Variants in FAT4 observed in about 807,000 individuals in gnomAD.
FAT4 encodes protocadherin Fat 4.
A neutral mutation model predicts 303.9 loss-of-function variants in FAT4; 84 were observed. That is an observed-to-expected ratio of 0.28 (90% CI 0.23 to 0.33). The LOEUF is 0.33. FAT4 is among the 10% of genes least tolerant of loss of function. FAT4 has a pLI of 1.00. For missense variants in FAT4, 6,005 were observed against 6,146.8 expected, an observed-to-expected ratio of 0.98 and a Z score of 0.77; for synonymous variants, 2,307 against 2,298.8, an observed-to-expected ratio of 1.00 and a Z score of -0.10.
intron 2 of FAT4, among the ~76,000 whole-genome samples, chr4:125,322,479 G>C (rs913367102): frequency 1.3e-5 from 2 of 152,046 alleles, no homozygotes; most frequent in Non-Finnish European, 2.9e-5. Flanking sequence ...AACTAGAAAT[G>C]ATATAGCTAT....
At chr4:125,323,276 T>G (rs546314530) in intron 2 of FAT4, among the ~76,000 whole-genome samples, 1 of 152,326 alleles carries the variant, frequency 6.6e-6, no homozygotes, top group African/African-American at 2.4e-5. Context: ...TTAGATTTAT[T>G]GTGTCTTTTT....
chr4:125,325,140 G>A (rs979852094), intron 2 of FAT4, among the ~76,000 whole-genome samples: 1 of 152,120 alleles, frequency 6.6e-6, no homozygotes, highest in Non-Finnish European at 1.5e-5. Context: ...CACAGTGGCA[G>A]TTTCTTAAGA....
chr4:125,361,732 G>A (rs558706614), intron 2 of FAT4, among the ~76,000 whole-genome samples: 8 of 152,266 alleles, frequency 5.3e-5, no homozygotes, highest in Non-Finnish European at 1.2e-4. Flanking sequence ...GGGAAGGCAA[G>A]ATAGTCCTTA....
At chr4:125,440,608 T>TGAGAGAGAGAGA (rs766978076) in intron 8 of FAT4, among the ~76,000 whole-genome samples, 2,192 of 56,820 alleles carry the variant, frequency 0.039, 28 homozygotes, top group Middle Eastern at 0.081. Context: ...TGTGTGTGTG[T>TGAGAGAGAGAGA]GTGAGAGAGA....
chr4:125,483,484 GA>G (rs1165711488), intron 16 of FAT4, among the ~76,000 whole-genome samples: 1 of 152,040 alleles, frequency 6.6e-6, no homozygotes, highest in Non-Finnish European at 1.5e-5. Context: ...CAATGTGGTT[GA>G]AAAAAATCAG....
chr4:125,321,031 A>G lies in FAT4; in HGVS notation c.4620A>G (p.Ser1540=), dbSNP rs1205380481. 1 of 1,614,212 alleles carries G rather than the reference A, an allele frequency of 6.2e-7. No individual in the cohort carries two copies. Among genetic ancestry groups the G allele is most frequent in the Non-Finnish European group, 8.5e-7 (1 of 1,180,022 alleles). Residue 1540 remains serine, a synonymous_variant, in exon 2 of 18, where the codon TCA becomes TCG. Coordinates refer to ENST00000394329, the MANE Select transcript of FAT4 (RefSeq NM_001291303.3). ...AAAACGCCCTTGCTGCAGACCCATCAGCTGTGATTGGTTCCGTTCTGACAA... is the reference window on the plus strand; with the variant it reads ...AAAACGCCCTTGCTGCAGACCCATCGGCTGTGATTGGTTCCGTTCTGACAA... ...ISQNALAADP[S]AVIGSVLTTI...
chr4:125,451,121 G>T lies in FAT4; in HGVS notation c.10111G>T (p.Val3371Leu). 6.2e-7 allele frequency: 1 copy of T among 1,614,134 alleles called. No individual in the cohort carries two copies. The change falls in exon 10 of 18, where the codon GTG becomes TTG. Residue 3371 changes from valine (V) to leucine (L), a missense_variant. Transcript: ENST00000394329. ...TCTTGATCGAGAAAAAGAAGAAAGG[G>T]TGTCTTTGAAGGTATTGGCCAAGAA... ...GILDREKEERVSLKVLAKNFG... is the reference protein window; with the variant it reads ...GILDREKEERLSLKVLAKNFG...
At chr4:125,457,492 A>T (rs1267468866) in intron 10 of FAT4, among the ~76,000 whole-genome samples, 1 of 152,118 alleles carries the variant, frequency 6.6e-6, no homozygotes, top group Non-Finnish European at 1.5e-5. Context: ...GAGGGAATGA[A>T]TTTGTATAAC....
At chr4:125,396,926 GTATATATATATATATATATATATATA>G (rs66744105) in intron 2 of FAT4, among the ~76,000 whole-genome samples, 2 of 143,912 alleles carry the variant, frequency 1.4e-5, no homozygotes, top group Non-Finnish European at 3.0e-5. Context: ...ATGTGTGTGT[GTATATATATATATATATATATATATA>G]TATATATATA....
chr4:125,319,128 G>A lies in FAT4; in HGVS notation c.2717G>A (p.Trp906Ter). 1.2e-6 allele frequency: 2 copies of A among 1,614,088 alleles called. No homozygotes were observed. The highest frequency in any genetic ancestry group is 1.7e-6 in the Non-Finnish European group (2 of 1,179,996). Residue 906 changes from tryptophan (W) to a stop codon, truncating the protein, a stop_gained, in exon 2 of 18, where the codon TGG becomes TAG. Transcript: ENST00000394329. LOFTEE classifies it high-confidence loss of function. ...GAGAGTGTAAATGTGGTGGAGAATT[G>A]GCAGGCAGGTCACAGCATTTTCCAG... ...AIESVNVVEN[W>*]QAGHSIFQAK...
At position 125,446,509 on chromosome 4, in the gene FAT4, A is replaced by G. The variant is rs1354476033; in HGVS notation, c.7416A>G (p.Pro2472=). The G allele has an allele frequency of 3.1e-6, 5 of 1,613,188 alleles. No individual in the cohort carries two copies. In the East Asian group the frequency reaches 6.7e-5, roughly 22 times the overall value. The change falls in exon 9 of 18, where the codon CCA becomes CCG. Residue 2472 remains proline (P), a synonymous_variant. Transcript: ENST00000394329. ...NDNPPRFQHH[P]YVTHIPSPTL... ...ATCCACCAAGATTTCAGCATCACCC[A>G]TATGTCACTCACATCCCATCTCCTA... is the stretch of plus-strand genomic sequence containing the variant.
chr4:125,348,382 G>C (rs1030149195), intron 2 of FAT4, among the ~76,000 whole-genome samples: 9 of 151,630 alleles, frequency 5.9e-5, no homozygotes, highest in African/African-American at 2.2e-4. Context: ...TTTTATGTAG[G>C]GTGTAAACTT....
chr4:125,427,983 T>G (rs1339567984), intron 7 of FAT4, among the ~76,000 whole-genome samples: 1 of 152,112 alleles, frequency 6.6e-6, no homozygotes, highest in African/African-American at 2.4e-5. Context: ...GACCTGAAAC[T>G]TTTTTCTTTT....
intron 2 of FAT4, among the ~76,000 whole-genome samples, chr4:125,378,187 A>C (rs2125996549): frequency 6.6e-6 from 1 of 152,258 alleles, no homozygotes; most frequent in East Asian, 1.9e-4. Flanking sequence ...AGGAATGGTT[A>C]GTCTTCTAAA....
At chr4:125,406,766 C>A in intron 3 of FAT4, 114 bp from the exon 4 acceptor site, 2 of 1,124,388 alleles carry the variant, frequency 1.8e-6, no homozygotes, top group Non-Finnish European at 2.5e-6. Flanking sequence ...CTTATAATAT[C>A]ATATGAACTT....
rs1290775082 is a variant in FAT4 at position 125,414,443 on chromosome 4, AT to A, written c.5921-438del. On this transcript the variant is annotated intron_variant, in intron 5 of 17. Coordinates refer to ENST00000394329, the MANE Select transcript of FAT4 (RefSeq NM_001291303.3). ...AGACACTTAATAGGAATTAATAAGTATTTATTGATTTTGACACGAAATATAG... is the reference window on the plus strand; with the variant it reads ...AGACACTTAATAGGAATTAATAAGTATTATTGATTTTGACACGAAATATAG... Among the ~76,000 whole-genome samples, 3 of 152,282 alleles carry A rather than the reference AT, an allele frequency of 2.0e-5. No individual in the cohort carries two copies. In the East Asian group the frequency reaches 5.8e-4, roughly 29 times the overall value.
intron 13 of FAT4, among the ~76,000 whole-genome samples, chr4:125,476,460 G>C (rs1038843911): frequency 6.6e-6 from 1 of 152,016 alleles, no homozygotes; most frequent in East Asian, 1.9e-4. Flanking sequence ...GTAGAAATAA[G>C]GATAAAATTG....
At chr4:125,339,174 T>G (rs1456107323) in intron 2 of FAT4, among the ~76,000 whole-genome samples, 1 of 152,004 alleles carries the variant, frequency 6.6e-6, no homozygotes, top group Non-Finnish European at 1.5e-5. Context: ...CATTATCTCC[T>G]TTTTTTTGAG....
At chr4:125,411,477 A>C (rs1285351114) in intron 5 of FAT4, among the ~76,000 whole-genome samples, 1 of 151,888 alleles carries the variant, frequency 6.6e-6, no homozygotes, top group East Asian at 1.9e-4. Flanking sequence ...GAATAAATGT[A>C]GCTATATAAT....
Sources: gnomAD v4.1 joint callset for allele counts (sites outside exome capture counted in the v4.1 genomes callset) on GRCh38, gnomAD v4.1.1 for gene constraint, MANE v1.5 for transcripts, NCBI Gene and HGNC (gene_info 2026-07-23, HGNC 2026-07-21) for gene names.